The following PALS2 variants were observed in gnomAD, a reference collection of about 807,000 sequenced individuals.
PALS2 encodes the protein protein PALS2.
PALS2 carries 27 observed loss-of-function variants against 61.6 expected under a neutral mutation model. The observed-to-expected ratio is 0.44, with a 90% CI of 0.32 to 0.60. The LOEUF (loss-of-function observed/expected upper bound fraction) is 0.60, where lower values mean the gene tolerates loss of function less well. Among genes scored for constraint, PALS2 ranks in the 20% least tolerant of loss-of-function variants. The probability of loss-of-function intolerance (pLI) is 0.05; values close to 1 mark genes in which losing one functional copy is unlikely to be tolerated. For missense variants in PALS2, 554 were observed against 639.4 expected, an observed-to-expected ratio of 0.87 and a Z score of 1.44; for synonymous variants, 236 against 218.6, an observed-to-expected ratio of 1.08 and a Z score of -0.70.
chr7:24,639,405 T>TACACACACACAC (rs10607962), intron 2 of PALS2, among the ~76,000 whole-genome samples: 11 of 148,550 alleles, frequency 7.4e-5, no homozygotes, highest in African/African-American at 2.5e-4. Flanking sequence ...CTTTGCTGAA[T>TACACACACACAC]ACACACACAC....
In PALS2 at chr7:24,679,120, A is replaced by G. The variant is rs775492734; in HGVS notation, c.1115-11A>G. On this transcript the variant is annotated splice_polypyrimidine_tract_variant and intron_variant, in intron 9 of 11. Transcript: ENST00000222644. ...TTCTTTGTACAAAAATCTCAACACT[A>G]TTTTATTTAGTTACTTCACGGAAAC... 5.0e-6 allele frequency: 8 copies of G among 1,611,310 alleles called. No homozygotes were observed. The highest frequency in any genetic ancestry group is 2.7e-5 in the African/African-American group (2 of 74,830).
At chr7:24,651,257 C>T (rs1212658235) in intron 5 of PALS2, among the ~76,000 whole-genome samples, 4 of 151,986 alleles carry the variant, frequency 2.6e-5, no homozygotes, top group Non-Finnish European at 4.4e-5. Context: ...TGTCTAGACT[C>T]GGTATGTTAA....
intron 3 of PALS2, among the ~76,000 whole-genome samples, chr7:24,648,989 T>TAA (rs143626433): frequency 6.6e-6 from 1 of 151,220 alleles, no homozygotes; most frequent in African/African-American, 2.4e-5. Flanking sequence ...GTATAGGAGG[T>TAA]AAAAAAAATA....
intron 11 of PALS2, among the ~76,000 whole-genome samples, chr7:24,686,008 T>G (rs1788184236): frequency 6.6e-6 from 1 of 152,190 alleles, no homozygotes; most frequent in Non-Finnish European, 1.5e-5. Flanking sequence ...CACAGACATC[T>G]TAAGCTTACC....
At chr7:24,648,095 T>C (rs888047976) in intron 3 of PALS2, among the ~76,000 whole-genome samples, 1 of 152,158 alleles carries the variant, frequency 6.6e-6, no homozygotes, top group Non-Finnish European at 1.5e-5. Flanking sequence ...TGAATTTTTT[T>C]CTCCAGTGTT....
At chr7:24,623,262 GA>G (rs1784599560) in intron 1 of PALS2, among the ~76,000 whole-genome samples, 2 of 139,748 alleles carry the variant, frequency 1.4e-5, no homozygotes, top group Admixed American at 7.3e-5. Context: ...TTAACTGTTT[GA>G]TAGAATTCAG....
chr7:24,637,544 A>G (rs1377222043), intron 2 of PALS2, among the ~76,000 whole-genome samples: 1 of 152,176 alleles, frequency 6.6e-6, no homozygotes, highest in African/African-American at 2.4e-5. Flanking sequence ...TTCAAGAAAT[A>G]ATAAGTAACT....
chr7:24,616,658 A>T (rs762275934), intron 1 of PALS2, among the ~76,000 whole-genome samples: 2 of 152,190 alleles, frequency 1.3e-5, no homozygotes, highest in Non-Finnish European at 2.9e-5. Flanking sequence ...ATCCGTTTAC[A>T]GCCAAGGGTG....
chr7:24,652,979 T>C (rs1356603092), intron 5 of PALS2, among the ~76,000 whole-genome samples: 1 of 152,226 alleles, frequency 6.6e-6, no homozygotes, highest in African/African-American at 2.4e-5. Flanking sequence ...TCTTCAACTT[T>C]CTTATAGCTT....
At chr7:24,598,481 G>T (rs1433110151) in intron 1 of PALS2, among the ~76,000 whole-genome samples, 2 of 152,114 alleles carry the variant, frequency 1.3e-5, no homozygotes, top group Non-Finnish European at 2.9e-5. Flanking sequence ...TTGTTCAGTT[G>T]TAATTTCATC....
At chr7:24,647,215 C>T (rs1003809867) in intron 3 of PALS2, among the ~76,000 whole-genome samples, 1 of 150,578 alleles carries the variant, frequency 6.6e-6, no homozygotes, top group African/African-American at 2.4e-5. Flanking sequence ...GGCACGATCT[C>T]GGTTCTCTGC....
At chr7:24,595,985 A>G (rs1783510080) in intron 1 of PALS2, among the ~76,000 whole-genome samples, 1 of 151,924 alleles carries the variant, frequency 6.6e-6, no homozygotes, top group Admixed American at 6.6e-5. Context: ...CAAGCAGACA[A>G]AGGGAAAGAG....
In PALS2 at chr7:24,688,027, A is replaced by G. The variant is rs1788294567; in HGVS notation, c.*413A>G. On this transcript the variant is annotated 3_prime_UTR_variant, in exon 12 of 12. Coordinates refer to ENST00000222644, the MANE Select transcript of PALS2 (RefSeq NM_001303037.2). ...AAAGCTGTCATTTAGTTCAGTATTC[A>G]AATAGTGAAGGGTTAGTCTTAATAG... 6.5e-6 allele frequency: 1 copy of G among 153,696 alleles called. No homozygotes were observed. The highest frequency in any genetic ancestry group is 1.4e-5 in the Non-Finnish European group (1 of 69,208). The allele number at this position is 153,696 out of a possible 1,614,324, so 9.5% of individuals were successfully genotyped here.
At chr7:24,648,844 G>A (rs925280854) in intron 3 of PALS2, among the ~76,000 whole-genome samples, 11 of 150,054 alleles carry the variant, frequency 7.3e-5, no homozygotes, top group Non-Finnish European at 1.5e-5. Context: ...AGTGGGGGTT[G>A]CAGTGAGCCG....
chr7:24,651,592 T>C (rs191356169), intron 5 of PALS2, among the ~76,000 whole-genome samples: 50 of 152,188 alleles, frequency 3.3e-4, no homozygotes, highest in Non-Finnish European at 2.2e-4. Flanking sequence ...AGTGGTGAAA[T>C]GGAACCGTAA....
At chr7:24,600,394 T>C (rs947167589) in intron 1 of PALS2, among the ~76,000 whole-genome samples, 6 of 152,228 alleles carry the variant, frequency 3.9e-5, no homozygotes, top group African/African-American at 9.6e-5. Context: ...TTATAAAATA[T>C]CTTACATAAC....
At chr7:24,603,663 A>G (rs538209247) in intron 1 of PALS2, among the ~76,000 whole-genome samples, 3 of 152,350 alleles carry the variant, frequency 2.0e-5, no homozygotes, top group South Asian at 2.1e-4. Flanking sequence ...CATTGGCTCA[A>G]ATGGCTGTTG....
At chr7:24,658,056 T>C (rs1423480493) in intron 5 of PALS2, among the ~76,000 whole-genome samples, 1 of 152,204 alleles carries the variant, frequency 6.6e-6, no homozygotes, top group East Asian at 1.9e-4. Context: ...TGTAGTTACA[T>C]GTATATTAGG....
At chr7:24,583,282 G>A (rs2711090) in intron 1 of PALS2, among the ~76,000 whole-genome samples, 11,284 of 152,118 alleles carry the variant, frequency 0.074, 526 homozygotes, top group African/African-American at 0.13. Flanking sequence ...AAAAATGTAA[G>A]CCCTATTTTT....
Sources: allele counts gnomAD v4.1 joint callset (sites outside exome capture counted in the v4.1 genomes callset), GRCh38; gene constraint gnomAD v4.1.1; transcripts MANE v1.5; gene names NCBI Gene and HGNC (gene_info 2026-07-23, HGNC 2026-07-21).